Variants in ELAPOR2 observed in about 807,000 individuals in gnomAD.
The protein encoded by ELAPOR2 is endosome-lysosome associated apoptosis and autophagy regulator family member 2, also known as endosome/lysosome-associated apoptosis and autophagy regulator family member 2.
ELAPOR2 carries 89 observed loss-of-function variants against 120.7 expected under a neutral mutation model. That is an observed-to-expected ratio of 0.74 (90% CI 0.62 to 0.88). The LOEUF is 0.88. Ranked by LOEUF, ELAPOR2 falls within the 40% of genes least tolerant of loss-of-function variation. The pLI is 0.00. For synonymous variants in ELAPOR2, 444 were observed against 444.9 expected (o/e 1.00, Z 0.03); for missense variants, 1,134 against 1,251.6 (o/e 0.91, Z 1.42).
At chr7:86,892,615 A>G (rs920791869) in intron 20 of ELAPOR2, among the ~76,000 whole-genome samples, 1 of 152,072 alleles carries the variant, frequency 6.6e-6, no homozygotes, top group Admixed American at 6.6e-5. Flanking sequence ...ACACTGAGAG[A>G]ATACCTGCCT....
At position 86,961,860 on chromosome 7, in the gene ELAPOR2, T is replaced by A. The variant is rs141394477; in HGVS notation, c.310+3044A>T. ...ACCAGGGCCTTAAGAGAAGTGCCAATGTTCCCTGTGGCTGAGCCTGGAGCT... is the reference window on the plus strand; with the variant it reads ...ACCAGGGCCTTAAGAGAAGTGCCAAAGTTCCCTGTGGCTGAGCCTGGAGCT... On this transcript the variant is annotated intron_variant, in intron 2 of 21. Transcript: ENST00000450689. Among the ~76,000 whole-genome samples the A allele has an allele frequency of 2.3e-3, 349 of 152,286 alleles. 3 individuals are homozygous for A. The highest frequency in any genetic ancestry group is 8.0e-3 in the African/African-American group (334 of 41,558).
chr7:87,059,269 T>A (rs1301193245), intron 1 of ELAPOR2, 56 bp downstream of exon 1: 1 of 1,242,992 alleles, frequency 8.0e-7, no homozygotes, highest in Non-Finnish European at 1.0e-6. Context: ...CTCTCAGCCT[T>A]CATCTTCCGC....
chr7:86,907,589 G>T, intron 18 of ELAPOR2, 81 bp downstream of exon 18: 3 of 869,954 alleles, frequency 3.4e-6, no homozygotes, highest in Non-Finnish European at 5.3e-6. Context: ...TATGTTCATA[G>T]AGAATATGTT....
intron 21 of ELAPOR2, among the ~76,000 whole-genome samples, chr7:86,888,712 CAGGG>C (rs1433062722): frequency 6.6e-6 from 1 of 152,060 alleles, no homozygotes; most frequent in Non-Finnish European, 1.5e-5. Context: ...TGTGGACAAA[CAGGG>C]AGAGTTGAGC....
At position 86,893,089 on chromosome 7, in the gene ELAPOR2, A is replaced by G; in HGVS notation, c.2697T>C (p.Tyr899=). The G allele has an allele frequency of 6.5e-7, 1 of 1,535,606 alleles. No homozygotes were observed. Among genetic ancestry groups the G allele is most frequent in the Non-Finnish European group, 8.7e-7 (1 of 1,152,252 alleles). The change falls in exon 20 of 22, where the codon TAT becomes TAC. Residue 899 remains tyrosine, a synonymous_variant. Transcript: ENST00000450689. ...TGCACCATTTAGGTTCATTCCACACATACAAGGTTTCCTTTAAAAAAAAAA... is the reference window on the plus strand; with the variant it reads ...TGCACCATTTAGGTTCATTCCACACGTACAAGGTTTCCTTTAAAAAAAAAA... ...ACKRGFQETL[Y]VWNEPKWCIK... is the part of the protein sequence containing the mutation.
intron 1 of ELAPOR2, among the ~76,000 whole-genome samples, chr7:87,057,999 T>C (rs960842660): frequency 2.0e-5 from 3 of 152,236 alleles, no homozygotes; most frequent in African/African-American, 7.2e-5. Flanking sequence ...TATGTAAAGT[T>C]GTAGAATATA....
chr7:86,923,568 AT>A (rs1584355153), intron 10 of ELAPOR2, among the ~76,000 whole-genome samples: 5 of 152,156 alleles, frequency 3.3e-5, no homozygotes, highest in South Asian at 2.1e-4. Flanking sequence ...TAAAATTAAT[AT>A]TTTTTGTGCA....
At chr7:86,979,803 C>A (rs979084139) in intron 1 of ELAPOR2, among the ~76,000 whole-genome samples, 3 of 152,172 alleles carry the variant, frequency 2.0e-5, no homozygotes, top group Non-Finnish European at 2.9e-5. Context: ...TGCCCACGGA[C>A]AGAAGTAGCT....
At chr7:86,889,277 T>G (rs1466331146) in intron 21 of ELAPOR2, among the ~76,000 whole-genome samples, 1 of 152,030 alleles carries the variant, frequency 6.6e-6, no homozygotes, top group East Asian at 1.9e-4. Flanking sequence ...CTGGATTGTC[T>G]TGTTGGATTG....
intron 15 of ELAPOR2, among the ~76,000 whole-genome samples, chr7:86,910,256 G>C (rs934137614): frequency 6.6e-6 from 1 of 152,000 alleles, no homozygotes; most frequent in African/African-American, 2.4e-5. Context: ...GCTCTTCCCA[G>C]TACAAGCATC....
intron 1 of ELAPOR2, among the ~76,000 whole-genome samples, chr7:87,002,655 T>C (rs138053654): frequency 3.0e-4 from 45 of 152,186 alleles, no homozygotes; most frequent in African/African-American, 9.9e-4. Flanking sequence ...CCTCACTTCA[T>C]TGGGGGTAGA....
intron 1 of ELAPOR2, among the ~76,000 whole-genome samples, chr7:86,969,227 C>T (rs2116501290): frequency 6.6e-6 from 1 of 152,192 alleles, no homozygotes; most frequent in South Asian, 2.1e-4. Flanking sequence ...CAAGTAAATA[C>T]TGGATGTCAT....
intron 1 of ELAPOR2, among the ~76,000 whole-genome samples, chr7:86,970,218 C>G (rs1792059442): frequency 6.6e-6 from 1 of 152,124 alleles, no homozygotes; most frequent in Non-Finnish European, 1.5e-5. Flanking sequence ...CAGATGACCA[C>G]AAATTCTAGT....
At chr7:87,026,225 G>A (rs992599895) in intron 1 of ELAPOR2, among the ~76,000 whole-genome samples, 12 of 152,036 alleles carry the variant, frequency 7.9e-5, no homozygotes, top group Non-Finnish European at 1.8e-4. Context: ...GTGGTCATCA[G>A]TGAGATAAAC....
chr7:86,979,290 A>G (rs1792381927), intron 1 of ELAPOR2, among the ~76,000 whole-genome samples: 1 of 152,196 alleles, frequency 6.6e-6, no homozygotes, highest in African/African-American at 2.4e-5. Context: ...CAACCACTTC[A>G]TGCATCTTGA....
intron 1 of ELAPOR2, among the ~76,000 whole-genome samples, chr7:87,004,197 A>G (rs985979756): frequency 2.0e-5 from 3 of 152,208 alleles, no homozygotes; most frequent in Non-Finnish European, 2.9e-5. Context: ...TAAATAATGG[A>G]TATGACAACA....
intron 1 of ELAPOR2, among the ~76,000 whole-genome samples, chr7:87,038,040 T>C (rs1016070003): frequency 6.6e-6 from 1 of 152,204 alleles, no homozygotes; most frequent in African/African-American, 2.4e-5. Flanking sequence ...AGATACATGC[T>C]AGATGAGCTA....
intron 1 of ELAPOR2, among the ~76,000 whole-genome samples, chr7:86,988,394 C>G (rs1401258235): frequency 6.6e-6 from 1 of 151,138 alleles, no homozygotes; most frequent in African/African-American, 2.4e-5. Flanking sequence ...TAAAAAAATG[C>G]AAATAAATAA....
At chr7:86,995,963 C>A (rs1468749646) in intron 1 of ELAPOR2, among the ~76,000 whole-genome samples, 1 of 152,122 alleles carries the variant, frequency 6.6e-6, no homozygotes, top group East Asian at 1.9e-4. Flanking sequence ...ACACAAGTAA[C>A]GTGGTCACAA....
Sources: gnomAD v4.1 joint callset for allele counts (sites outside exome capture counted in the v4.1 genomes callset) on GRCh38, gnomAD v4.1.1 for gene constraint, MANE v1.5 for transcripts, NCBI Gene and HGNC (gene_info 2026-07-23, HGNC 2026-07-21) for gene names.